Variants in ALG13 observed in about 807,000 individuals in gnomAD.
The protein encoded by ALG13 is ALG13 UDP-N-acetylglucosaminyltransferase subunit, also known as UDP-N-acetylglucosamine transferase subunit ALG13.
Under a neutral mutation model 87.8 loss-of-function variants are expected in ALG13, and 11 were observed. The observed-to-expected ratio is 0.13, with a 90% CI of 0.08 to 0.21. ALG13 has a LOEUF of 0.21. Among genes scored for constraint, ALG13 ranks in the 10% least tolerant of loss-of-function variants. ALG13 has a pLI of 1.00. For synonymous variants in ALG13, 320 were observed against 306.3 expected (o/e 1.04, Z -0.47); for missense variants, 756 against 866.1 (o/e 0.87, Z 1.60).
chrX:111,734,984 A>C, intron 21 of ALG13, 67 bp from the exon 22 acceptor site: 1 of 764,293 alleles, frequency 1.3e-6, no homozygotes, highest in Non-Finnish European at 2.0e-6. Flanking sequence ...ATAGTTTTAA[A>C]ATATGTTGAA....
At chrX:111,712,665 G>C (rs770746590) in intron 7 of ALG13, 135 bp downstream of exon 7, 1 of 349,499 alleles carries the variant, frequency 2.9e-6, no homozygotes, top group Non-Finnish European at 5.1e-6. Flanking sequence ...CTAAGAAAAA[G>C]TGTTAAAATA....
intron 24 of ALG13, among the ~76,000 whole-genome samples, chrX:111,749,313 C>T (rs1944511251): frequency 9.1e-6 from 1 of 110,373 alleles, no homozygotes; most frequent in Admixed American, 9.7e-5. Flanking sequence ...ATTTTCCTTT[C>T]CTCGTTGGAT....
chrX:111,735,543 C>T (rs1328300272), intron 22 of ALG13, among the ~76,000 whole-genome samples: 1 of 111,261 alleles, frequency 9.0e-6, no homozygotes, highest in Non-Finnish European at 1.9e-5. Context: ...GCATCTAGAA[C>T]AGAGCCCATG....
intron 19 of ALG13, among the ~76,000 whole-genome samples, chrX:111,728,692 A>G (rs930729123): frequency 2.7e-5 from 3 of 111,021 alleles, no homozygotes; most frequent in Non-Finnish European, 5.7e-5. Context: ...TAAGACTACT[A>G]TGAAGTAACT....
chrX:111,690,199 G>GT (rs1433312746), intron 3 of ALG13: 2 of 751,219 alleles, frequency 2.7e-6, no homozygotes, highest in Non-Finnish European at 3.1e-6. Context: ...TGCTCTATTT[G>GT]TTTGGTTTCA....
chrX:111,709,482 T>G (rs1939351265), intron 5 of ALG13, among the ~76,000 whole-genome samples: 1 of 111,927 alleles, frequency 8.9e-6, no homozygotes, highest in Non-Finnish European at 1.9e-5. Context: ...ACAATAATCT[T>G]CAGCCAGTCA....
rs371997441 is a variant in ALG13 at position 111,716,077 on chromosome X, AG to A, written c.1006-1768del. ...AAGTATTGGTTCTCATGCACTTCAA[AG>A]TAACAAACTATTAAGTATTGGTGAG... On this transcript the variant is annotated intron_variant, in intron 8 of 26. Transcript: ENST00000394780. Among the ~76,000 whole-genome samples the A allele has an allele frequency of 5.1e-3, 574 of 112,337 alleles. 1 individual carries two copies. Among genetic ancestry groups the A allele is most frequent in the African/African-American group, 0.017 (529 of 30,952 alleles).
intron 5 of ALG13, among the ~76,000 whole-genome samples, chrX:111,710,061 T>C (rs1194717949): frequency 9.2e-6 from 1 of 109,273 alleles, no homozygotes; most frequent in African/African-American, 3.3e-5. Context: ...GACAGGGTCT[T>C]CTCTGTTGCC....
At chrX:111,710,765 C>G (rs761890052) in intron 5 of ALG13, among the ~76,000 whole-genome samples, 1 of 112,023 alleles carries the variant, frequency 8.9e-6, no homozygotes, top group African/African-American at 3.2e-5. Context: ...GGCACGATCT[C>G]GGCTCACTGT....
chrX:111,694,780 C>T (rs1936720909), intron 3 of ALG13, among the ~76,000 whole-genome samples: 1 of 112,000 alleles, frequency 8.9e-6, no homozygotes, highest in African/African-American at 3.3e-5. Flanking sequence ...ATACACTCCC[C>T]ATATTTAGTA....
chrX:111,757,493 A>ATTTTTTT (rs75519151), intron 25 of ALG13, 95 bp from the exon 26 acceptor site: 1 of 393,666 alleles, frequency 2.5e-6, no homozygotes. Flanking sequence ...CCCAATTCTT[A>ATTTTTTT]TTTTTTTTTT....
chrX:111,708,484 C>G, intron 4 of ALG13, 91 bp downstream of exon 4: 1 of 1,048,825 alleles, frequency 9.5e-7, no homozygotes, highest in South Asian at 2.3e-5. Context: ...CAAAAAAATT[C>G]CCCTGCTTTC....
At chrX:111,733,162 T>G (rs1942885391) in intron 21 of ALG13, among the ~76,000 whole-genome samples, 1 of 111,655 alleles carries the variant, frequency 9.0e-6, no homozygotes, top group Admixed American at 9.5e-5. Flanking sequence ...ATAGGTTTTT[T>G]GGAGAACAGG....
chrX:111,715,235 A>G (rs1460241348), intron 8 of ALG13, among the ~76,000 whole-genome samples: 3 of 111,893 alleles, frequency 2.7e-5, no homozygotes, highest in Non-Finnish European at 5.6e-5. Flanking sequence ...CAGAGCTAAT[A>G]CTTACCAGCA....
chrX:111,690,210 T>G, intron 3 of ALG13: 1 of 753,396 alleles, frequency 1.3e-6, no homozygotes, highest in Non-Finnish European at 1.6e-6. Context: ...TTTGGTTTCA[T>G]TACATGACAG....
chrX:111,682,163 T>G lies in ALG13; in HGVS notation c.113T>G (p.Ile38Ser), dbSNP rs11545580. The G allele has an allele frequency of 2.5e-6, 3 of 1,194,707 alleles. No homozygotes were observed. The highest frequency in any genetic ancestry group is 3.4e-6 in the Non-Finnish European group (3 of 888,333). Reference sequence around the variant, plus strand: ...GAGAGCCTTGGTTACAACCGACTTATCCTGCAAATTGGTAGAGGAACGGTG... The same window carrying G: ...GAGAGCCTTGGTTACAACCGACTTAGCCTGCAAATTGGTAGAGGAACGGTG... Reference protein sequence around the residue: ...KIESLGYNRLILQIGRGTVVP... With the variant: ...KIESLGYNRLSLQIGRGTVVP... The change falls in exon 2 of 27, where the codon ATC becomes AGC. Residue 38 changes from isoleucine (I) to serine (S), a missense_variant. Coordinates refer to ENST00000394780, the MANE Select transcript of ALG13 (RefSeq NM_001099922.3).
intron 8 of ALG13, among the ~76,000 whole-genome samples, chrX:111,714,488 T>C (rs925285721): frequency 5.4e-5 from 6 of 110,565 alleles, no homozygotes; most frequent in Non-Finnish European, 9.5e-5. Context: ...AGAGACCCTT[T>C]GGGAGTTAAG....
rs773775095 is a variant in ALG13, at chrX:111,689,799, G to T, written c.383+4696G>T. The T allele has an allele frequency of 9.3e-5, 70 of 751,383 alleles. No individual in the cohort carries two copies. The African/African-American group carries it at 1.6e-3, about 17-fold the overall frequency. The allele number at this position is 751,383 out of a possible 1,213,427, so 61.9% of individuals were successfully genotyped here. On this transcript the variant is annotated intron_variant, in intron 3 of 26. Coordinates refer to ENST00000394780, the MANE Select transcript of ALG13 (RefSeq NM_001099922.3). ...GCATAATATATGTTGTAAGCTTTTTGTTTCTTTATAGTTGTTTGCCTAGTG... is the reference window on the plus strand; with the variant it reads ...GCATAATATATGTTGTAAGCTTTTTTTTTCTTTATAGTTGTTTGCCTAGTG...
chrX:111,688,662 A>G lies in ALG13; in HGVS notation c.383+3559A>G, dbSNP rs773580577. 124 of 750,375 alleles carry G rather than the reference A, an allele frequency of 1.7e-4. No homozygotes were observed. In the African/African-American group the frequency reaches 2.6e-3, roughly 16 times the overall value. 61.8% of individuals were successfully genotyped at this position (750,375 alleles called of 1,213,427 possible). On this transcript the variant is annotated intron_variant, in intron 3 of 26. Transcript: ENST00000394780. ...GAATAATCAAAAAGGACTTATACCA[A>G]TAGGACTTACTATTGTTTTTTAAGG...
Sources: gnomAD v4.1 joint callset for allele counts (sites outside exome capture counted in the v4.1 genomes callset) on GRCh38, gnomAD v4.1.1 for gene constraint, MANE v1.5 for transcripts, NCBI Gene and HGNC (gene_info 2026-07-23, HGNC 2026-07-21) for gene names.